PDHA1: variants seen among roughly 807,000 people sequenced by gnomAD.
The protein encoded by PDHA1 is pyruvate dehydrogenase E1 subunit alpha 1.
Under a neutral mutation model 33.0 loss-of-function variants are expected in PDHA1, and 1 was observed. The observed-to-expected ratio is 0.03, with a 90% CI of 0.01 to 0.14. The LOEUF is 0.14. PDHA1 is among the 10% of genes least tolerant of loss of function. PDHA1 has a pLI of 1.00. For missense variants in PDHA1, 168 were observed against 325.1 expected, an observed-to-expected ratio of 0.52 and a Z score of 3.72; for synonymous variants, 123 against 119.2, an observed-to-expected ratio of 1.03 and a Z score of -0.21.
chrX:19,349,971 C>G lies in PDHA1; in HGVS notation c.152C>G (p.Pro51Arg), dbSNP rs771734567. 9.9e-6 allele frequency: 12 copies of G among 1,206,621 alleles called. No individual in the cohort carries two copies. The highest frequency in any genetic ancestry group is 1.3e-5 in the Non-Finnish European group (12 of 891,824). Residue 51 changes from proline (P) to arginine (R), a missense_variant, in exon 3 of 11, where the codon CCT becomes CGT. Pro to Arg is a moderately radical substitution (Grantham distance 103). This residue lies in a region of PDHA1 where 46 missense variants were observed against 47.4 expected (regional missense o/e 0.97). Coordinates refer to ENST00000422285, the MANE Select transcript of PDHA1 (RefSeq NM_000284.4). ...CTTCACCGGCTGGAAGAAGGCCCTC[C>G]TGTCACAACAGTGCTCACCAGGGAG... The part of the protein sequence containing the change: ...CDLHRLEEGP[P>R]VTTVLTREDG...
intron 9 of PDHA1, 61 bp from the exon 10 acceptor site, chrX:19,358,855 G>A (rs878875787): frequency 7.5e-5 from 48 of 638,723 alleles, no homozygotes; most frequent in South Asian, 3.3e-4. Flanking sequence ...GTTTCATCAC[G>A]CCGTCCTTGC....
At chrX:19,347,659 T>C (rs2147172761) in intron 1 of PDHA1, among the ~76,000 whole-genome samples, 1 of 113,001 alleles carries the variant, frequency 8.8e-6, no homozygotes, top group South Asian at 3.6e-4. Context: ...TCTGTAGTTG[T>C]ATTTGGAAAT....
chrX:19,349,518 C>T (rs756427966), intron 2 of PDHA1, 147 bp downstream of exon 2: 242 of 475,245 alleles, frequency 5.1e-4, no homozygotes, highest in Non-Finnish European at 8.3e-4. Flanking sequence ...AGAAGCTTCA[C>T]GAAAACTAGA....
At chrX:19,345,428 G>T (rs185576149) in intron 1 of PDHA1, among the ~76,000 whole-genome samples, 168 of 108,997 alleles carry the variant, frequency 1.5e-3, no homozygotes, top group Admixed American at 4.2e-3. Flanking sequence ...AAATTAGCCG[G>T]TCGTGGTGGC....
intron 10 of PDHA1, 132 bp from the exon 11 acceptor site, chrX:19,359,357 A>G (rs2063240855): frequency 3.6e-6 from 2 of 559,220 alleles, no homozygotes; most frequent in Non-Finnish European, 6.3e-6. Flanking sequence ...GTATTCCAAA[A>G]TCTTCTGAAT....
rs1555935698 is a variant in PDHA1 at position 19,359,737 on chromosome X, A to ATGAAATTCAATGAAATTCTTGG, written c.*85_*106dup. On this transcript the variant is annotated 3_prime_UTR_variant, in exon 11 of 11. Transcript: ENST00000422285. ...GTTAAGGAGGAAGAAAACCCAGTCA[A>ATGAAATTCAATGAAATTCTTGG]TGAAATTCAATGAAATTCTTGGAAA... 3 of 843,047 alleles carry ATGAAATTCAATGAAATTCTTGG rather than the reference A, an allele frequency of 3.6e-6. No homozygotes were observed. In the African/African-American group the frequency reaches 6.0e-5, roughly 17 times the overall value. The allele number at this position is 843,047 out of a possible 1,213,427, so 69.5% of individuals were successfully genotyped here.
intron 9 of PDHA1, among the ~76,000 whole-genome samples, chrX:19,358,150 A>G (rs1269900549): frequency 8.9e-6 from 1 of 111,772 alleles, no homozygotes; most frequent in Non-Finnish European, 1.9e-5. Flanking sequence ...CAATCCGTTG[A>G]AATACATCAA....
intron 4 of PDHA1, 88 bp downstream of exon 4, chrX:19,351,495 T>C (rs1216232112): frequency 3.5e-6 from 3 of 856,147 alleles, no homozygotes; most frequent in Non-Finnish European, 5.0e-6. Flanking sequence ...TTAATATTTG[T>C]TAAAAATTTT....
chrX:19,355,784 G>A (rs1027477161), intron 8 of PDHA1, 27 bp downstream of exon 8: 2 of 1,098,680 alleles, frequency 1.8e-6, no homozygotes, highest in African/African-American at 3.7e-5. Flanking sequence ...CTCTGGGCTA[G>A]TGACATTTAT....
rs2063155329 is a variant in PDHA1 at position 19,350,086 on chromosome X, T to G, written c.267T>G (p.Gly89=). ...TGTATAAACAGAAAATTATTCGTGG[T>G]TTCTGTCACTTGTGTGATGGTCAGG... ...DQLYKQKIIR[G]FCHLCDGQEA... Residue 89 remains glycine, a synonymous_variant, in exon 3 of 11, where the codon GGT becomes GGG. Coordinates refer to ENST00000422285, the MANE Select transcript of PDHA1 (RefSeq NM_000284.4). 12 of 1,205,726 alleles carry G rather than the reference T, an allele frequency of 1.0e-5. No individual in the cohort carries two copies. The highest frequency in any genetic ancestry group is 1.3e-5 in the Non-Finnish European group (12 of 890,098).
intron 5 of PDHA1, 154 bp downstream of exon 5, chrX:19,353,327 C>G (rs1429113614): frequency 1.9e-6 from 1 of 515,595 alleles, no homozygotes; most frequent in Non-Finnish European, 3.5e-6. Context: ...ATGTTGGACC[C>G]ATAAGATTAT....
At chrX:19,349,473 A>G (rs1024069315) in intron 2 of PDHA1, 102 bp downstream of exon 2, 1 of 560,453 alleles carries the variant, frequency 1.8e-6, no homozygotes, top group Non-Finnish European at 3.1e-6. Context: ...CTTAGTCATC[A>G]TTTTCTTCTA....
At chrX:19,352,659 T>C (rs1302320962) in intron 4 of PDHA1, among the ~76,000 whole-genome samples, 1 of 112,603 alleles carries the variant, frequency 8.9e-6, no homozygotes, top group Non-Finnish European at 1.9e-5. Context: ...TCTTCGGGTT[T>C]GCATCCTGAG....
chrX:19,361,460 A>G lies in PDHA1; in HGVS notation c.*1807A>G. The G allele has an allele frequency of 3.4e-6, 4 of 1,191,867 alleles. No homozygotes were observed. The highest frequency in any genetic ancestry group is 4.6e-6 in the Non-Finnish European group (4 of 877,905). On this transcript the variant is annotated 3_prime_UTR_variant, in exon 11 of 11. Transcript: ENST00000422285. ...CTTAAGAGCTGAGCAGCTGTGTAAC[A>G]ACAGCATAAGAATTTCTTTGTTGTA...
intron 2 of PDHA1, 66 bp from the exon 3 acceptor site, chrX:19,349,871 T>C: frequency 1.1e-6 from 1 of 906,594 alleles, no homozygotes; most frequent in East Asian, 3.1e-5. Context: ...GAGTTAGATC[T>C]TAGAGTGGTC....
intron 1 of PDHA1, chrX:19,345,663 C>A: frequency 5.5e-6 from 1 of 180,542 alleles, no homozygotes; most frequent in Non-Finnish European, 1.1e-5. Flanking sequence ...GGCTCAGAAA[C>A]ATCCTTCCTT....
Position 19,360,591 on chromosome X carries a change from A to T in PDHA1, c.*938A>T, listed in dbSNP as rs184532061. On this transcript the variant is annotated 3_prime_UTR_variant, in exon 11 of 11. Transcript: ENST00000422285. Reference sequence around the variant, plus strand: ...GTTTATAAATAACAGGTTTCAAAAGAAACTCAGGACAGTATTTAAAACAAG... The same window carrying T: ...GTTTATAAATAACAGGTTTCAAAAGTAACTCAGGACAGTATTTAAAACAAG... The T allele has an allele frequency of 2.3e-6, 1 of 432,434 alleles. No individual in the cohort carries two copies. The allele number at this position is 432,434 out of a possible 1,213,427, so 35.6% of individuals were successfully genotyped here.
At chrX:19,355,207 C>T (rs1413329176) in intron 6 of PDHA1, 142 bp from the exon 7 acceptor site, 28 of 704,178 alleles carry the variant, frequency 4.0e-5, no homozygotes, top group Non-Finnish European at 6.1e-5. Flanking sequence ...CGCTTTCCCT[C>T]ACCACCCAAA....
rs2063258477 is a variant in PDHA1, at chrX:19,359,963, G to GA, written c.*311dup. 3.2e-6 allele frequency: 1 copy of GA among 311,302 alleles called. No individual in the cohort carries two copies. The highest frequency in any genetic ancestry group is 2.7e-5 in the African/African-American group (1 of 36,902). 25.7% of individuals were successfully genotyped at this position (311,302 alleles called of 1,213,427 possible). On this transcript the variant is annotated 3_prime_UTR_variant, in exon 11 of 11. Transcript: ENST00000422285. ...GCCCCCAGCCACCTTTTTGGGAGGA[G>GA]ACCATTATGGCGGGGCCCCTCACAG...
Sources: gnomAD v4.1 joint callset for allele counts (sites outside exome capture counted in the v4.1 genomes callset) on GRCh38, gnomAD v4.1.1 for gene constraint, gnomAD v4.1.1 regional missense constraint, MANE v1.5 for transcripts, NCBI Gene and HGNC (gene_info 2026-07-23, HGNC 2026-07-21) for gene names.